The following PDE4B variants were observed in gnomAD, a reference collection of about 807,000 sequenced individuals.
The protein encoded by PDE4B is phosphodiesterase 4B.
Under a neutral mutation model 82.2 loss-of-function variants are expected in PDE4B, and 20 were observed. The observed-to-expected ratio is 0.24, with a 90% CI of 0.17 to 0.35. The LOEUF (loss-of-function observed/expected upper bound fraction) is 0.35, where lower values mean the gene tolerates loss of function less well. PDE4B is among the 10% of genes least tolerant of loss of function. The pLI, the probability that PDE4B is intolerant of heterozygous loss-of-function variation, is 1.00. For synonymous variants in PDE4B, 320 were observed against 318.9 expected (o/e 1.00, Z -0.04); for missense variants, 655 against 907.2 (o/e 0.72, Z 3.57).
intron 3 of PDE4B, among the ~76,000 whole-genome samples, chr1:66,159,356 A>G (rs770593359): frequency 5.1e-4 from 77 of 150,878 alleles, no homozygotes; most frequent in Non-Finnish European, 1.0e-3. Flanking sequence ...CTCATGCCTC[A>G]GCCTCCCAGG....
intron 3 of PDE4B, among the ~76,000 whole-genome samples, chr1:66,109,309 G>A (rs1421251106): frequency 2.6e-5 from 4 of 151,816 alleles, no homozygotes; most frequent in African/African-American, 9.7e-5. Flanking sequence ...TGTAGATGAG[G>A]TTAAAAAGTT....
intron 8 of PDE4B, among the ~76,000 whole-genome samples, chr1:66,336,165 C>T (rs1190286493): frequency 6.6e-6 from 1 of 152,142 alleles, no homozygotes; most frequent in African/African-American, 2.4e-5. Flanking sequence ...AGCCAACCAA[C>T]GTCATTAGAG....
chr1:65,872,726 T>C (rs907561061), intron 1 of PDE4B, among the ~76,000 whole-genome samples: 2 of 152,200 alleles, frequency 1.3e-5, no homozygotes, highest in African/African-American at 4.8e-5. Flanking sequence ...TGGTGCAAAC[T>C]ACTGTACACT....
At chr1:66,100,750 G>A (rs1165446603) in intron 3 of PDE4B, among the ~76,000 whole-genome samples, 2 of 152,088 alleles carry the variant, frequency 1.3e-5, no homozygotes, top group African/African-American at 4.8e-5. Flanking sequence ...TTAATTATCT[G>A]TGGCTATGCT....
At chr1:66,209,535 G>A (rs549220860) in intron 3 of PDE4B, among the ~76,000 whole-genome samples, 39 of 152,226 alleles carry the variant, frequency 2.6e-4, no homozygotes, top group African/African-American at 8.4e-4. Context: ...CTCTGTTGAG[G>A]TATAATTTAA....
At chr1:65,956,974 T>C (rs1309432778) in intron 3 of PDE4B, among the ~76,000 whole-genome samples, 1 of 152,130 alleles carries the variant, frequency 6.6e-6, no homozygotes, top group East Asian at 1.9e-4. Flanking sequence ...AGGTATCTCA[T>C]TGTGACTTTA....
intron 1 of PDE4B, among the ~76,000 whole-genome samples, chr1:65,900,718 A>G (rs1047487146): frequency 6.6e-6 from 1 of 152,000 alleles, no homozygotes; most frequent in Non-Finnish European, 1.5e-5. Flanking sequence ...TTGCATGACT[A>G]TTGTGAATGA....
intron 3 of PDE4B, among the ~76,000 whole-genome samples, chr1:66,125,648 C>T (rs934797009): frequency 2.0e-5 from 3 of 152,114 alleles, no homozygotes; most frequent in Admixed American, 6.5e-5. Flanking sequence ...TCTGGGATTT[C>T]GCTTAAAGTT....
chr1:66,003,976 CT>C (rs1485271490), intron 3 of PDE4B, among the ~76,000 whole-genome samples: 3 of 152,132 alleles, frequency 2.0e-5, no homozygotes, highest in African/African-American at 7.2e-5. Flanking sequence ...GACATAGAGA[CT>C]TTAGGATGCC....
intron 3 of PDE4B, among the ~76,000 whole-genome samples, chr1:66,222,456 A>C (rs1367253109): frequency 6.6e-6 from 1 of 152,234 alleles, no homozygotes; most frequent in Non-Finnish European, 1.5e-5. Flanking sequence ...GCACCTAGTA[A>C]AAGTTGATTC....
chr1:65,806,993 G>A (rs1039239894), intron 1 of PDE4B, among the ~76,000 whole-genome samples: 1 of 152,144 alleles, frequency 6.6e-6, no homozygotes, highest in Non-Finnish European at 1.5e-5. Flanking sequence ...ATTGTTCTGT[G>A]TATAGTTACT....
At chr1:66,077,253 A>G (rs1656480675) in intron 3 of PDE4B, among the ~76,000 whole-genome samples, 1 of 152,124 alleles carries the variant, frequency 6.6e-6, no homozygotes, top group African/African-American at 2.4e-5. Flanking sequence ...TTATGAGCAT[A>G]CCACCACTCA....
chr1:65,845,037 C>A (rs920959185), intron 1 of PDE4B, among the ~76,000 whole-genome samples: 5 of 152,124 alleles, frequency 3.3e-5, no homozygotes, highest in African/African-American at 1.2e-4. Context: ...GTTCTGCCCA[C>A]CCCCATCTGT....
intron 1 of PDE4B, among the ~76,000 whole-genome samples, chr1:65,887,247 T>TTTCTTTCTTTCTTTTCTTTCTTTC (rs1297971405): frequency 2.7e-5 from 1 of 37,700 alleles, no homozygotes; most frequent in Non-Finnish European, 4.9e-5. Context: ...TCTTTCTTTC[T>TTTCTTTCTTTCTTTTCTTTCTTTC]TTTCTTTCTT....
intron 3 of PDE4B, among the ~76,000 whole-genome samples, chr1:66,121,815 A>G (rs1645714706): frequency 6.6e-6 from 1 of 152,216 alleles, no homozygotes; most frequent in African/African-American, 2.4e-5. Flanking sequence ...ATTATGCTCA[A>G]CAACTTATTA....
intron 3 of PDE4B, among the ~76,000 whole-genome samples, chr1:65,993,645 G>A (rs1269765036): frequency 1.3e-5 from 2 of 151,944 alleles, no homozygotes; most frequent in East Asian, 3.9e-4. Flanking sequence ...TTGATTTATT[G>A]ACTTATCTTT....
At chr1:66,118,284 C>T (rs898187636) in intron 3 of PDE4B, among the ~76,000 whole-genome samples, 6 of 152,058 alleles carry the variant, frequency 3.9e-5, no homozygotes, top group African/African-American at 9.7e-5. Flanking sequence ...ATGTTTATTG[C>T]GGCACTATTC....
intron 3 of PDE4B, among the ~76,000 whole-genome samples, chr1:65,991,428 G>T (rs978392416): frequency 6.6e-6 from 1 of 152,096 alleles, no homozygotes; most frequent in Non-Finnish European, 1.5e-5. Context: ...CTTAGTGGGA[G>T]AATTAAATGT....
intron 16 of PDE4B, 147 bp from the exon 17 acceptor site, chr1:66,372,166 T>C (rs1242443328): frequency 1.3e-6 from 1 of 761,940 alleles, no homozygotes; most frequent in African/African-American, 1.7e-5. Flanking sequence ...TAAGACCCAC[T>C]GTATTGTGAG....
Sources: gnomAD v4.1 joint callset for allele counts (sites outside exome capture counted in the v4.1 genomes callset) on GRCh38, gnomAD v4.1.1 for gene constraint, MANE v1.5 for transcripts, NCBI Gene and HGNC (gene_info 2026-07-23, HGNC 2026-07-21) for gene names.